ATAD2B: variants seen among roughly 807,000 people sequenced by gnomAD.
The protein encoded by ATAD2B is ATPase family AAA domain containing 2B, also known as ATPase family AAA domain-containing protein 2B.
In ATAD2B, 40 loss-of-function variants were observed where a neutral mutation model predicts 167.6. The observed-to-expected ratio is 0.24, with a 90% CI of 0.19 to 0.31. ATAD2B has a LOEUF of 0.31. Among genes scored for constraint, ATAD2B ranks in the 10% least tolerant of loss-of-function variants. ATAD2B has a pLI of 1.00. For missense variants in ATAD2B, 1,242 were observed against 1,757.2 expected (o/e 0.71, Z 5.24); for synonymous variants, 579 against 596.5 (o/e 0.97, Z 0.43).
At chr2:23,849,505 G>A (rs2675355) in intron 13 of ATAD2B, among the ~76,000 whole-genome samples, 9,883 of 152,168 alleles carry the variant, frequency 0.065, 411 homozygotes, top group African/African-American at 0.12. Context: ...ATTTGTCTCT[G>A]CAATCAATAG....
Position 23,758,212 on chromosome 2 carries a change from C to T in ATAD2B, c.3395-111G>A, listed in dbSNP as rs566747880. ...AAAGTAAACCCATGCTGATGTAACA[C>T]ACAAAAACTACTTAGCTCTTGACAT... On this transcript the variant is annotated intron_variant, in intron 24 of 27. Transcript: ENST00000238789. 3.7e-5 allele frequency: 30 copies of T among 820,252 alleles called. No individual in the cohort carries two copies. In the African/African-American group the frequency reaches 5.1e-4, roughly 14 times the overall value. 50.8% of individuals were successfully genotyped at this position (820,252 alleles called of 1,614,324 possible).
chr2:23,776,707 A>C (rs914036680), intron 22 of ATAD2B, among the ~76,000 whole-genome samples: 1 of 152,218 alleles, frequency 6.6e-6, no homozygotes, highest in Non-Finnish European at 1.5e-5. Context: ...ATTTCTAATA[A>C]GACCTTATGA....
At position 23,823,360 on chromosome 2, in the gene ATAD2B, G is replaced by A. The variant is rs755167107; in HGVS notation, c.2029C>T (p.Pro677Ser). 1.1e-5 allele frequency: 18 copies of A among 1,613,780 alleles called. No homozygotes were observed. In the South Asian group the frequency reaches 1.6e-4, roughly 15 times the overall value. ...AVMSSGHALS[P>S]IIRPLLERSF... ...CTTTCCAGCAGTGGTCTTATGATGG[G>A]GGATAGTGCATGCCCTGAAGACATC... Residue 677 changes from proline to serine, a missense_variant, in exon 16 of 28, where the codon CCC (proline) becomes TCC (serine). Transcript: ENST00000238789.
chr2:23,833,241 T>C (rs1021551339), intron 14 of ATAD2B, among the ~76,000 whole-genome samples: 1 of 152,216 alleles, frequency 6.6e-6, no homozygotes, highest in African/African-American at 2.4e-5. Flanking sequence ...GCATTTCACA[T>C]AGAGGTCCAA....
intron 24 of ATAD2B, among the ~76,000 whole-genome samples, chr2:23,760,424 G>T (rs1462449743): frequency 6.6e-6 from 1 of 152,040 alleles, no homozygotes; most frequent in Admixed American, 6.5e-5. Flanking sequence ...ACTTTGGGAG[G>T]CCGAGGCTGA....
chr2:23,717,859 A>T, the ATAD2B span, among the ~76,000 whole-genome samples: 1 of 152,242 alleles, frequency 6.6e-6, no homozygotes, highest in Non-Finnish European at 1.5e-5. Flanking sequence ...GAAAACTCAC[A>T]AATGAAGTAA....
chr2:23,886,901 A>G (rs1471427123), intron 4 of ATAD2B, among the ~76,000 whole-genome samples: 1 of 149,492 alleles, frequency 6.7e-6, no homozygotes, highest in African/African-American at 2.5e-5. Flanking sequence ...ACTGCACTCC[A>G]GCCTGGGTGA....
intron 17 of ATAD2B, among the ~76,000 whole-genome samples, chr2:23,815,669 T>C (rs1208335989): frequency 6.6e-6 from 1 of 152,196 alleles, no homozygotes; most frequent in Non-Finnish European, 1.5e-5. Context: ...CAAAAATTAA[T>C]TGTAATGCCC....
At chr2:23,693,195 G>A in the ATAD2B span, 1 of 1,479,312 alleles carries the variant, frequency 6.8e-7, no homozygotes, top group Non-Finnish European at 9.0e-7. Context: ...AAGGATCTAG[G>A]GTGACAGCAA....
chr2:23,885,864 T>C (rs1020816588), intron 4 of ATAD2B, 35 bp from the exon 5 acceptor site: 6 of 1,280,176 alleles, frequency 4.7e-6, no homozygotes, highest in Admixed American at 4.2e-5. Context: ...ATTTAGACAA[T>C]GGTGGCACCA....
intron 12 of ATAD2B, among the ~76,000 whole-genome samples, chr2:23,860,752 C>T (rs1398215579): frequency 5.3e-5 from 8 of 152,034 alleles, no homozygotes. Context: ...AGGTGGATCA[C>T]CTGAGGTCAG....
intron 15 of ATAD2B, among the ~76,000 whole-genome samples, chr2:23,827,145 T>C (rs1474898759): frequency 3.9e-5 from 6 of 152,052 alleles, no homozygotes; most frequent in African/African-American, 1.4e-4. Context: ...AAAACAGAAG[T>C]CATTTAATTA....
chr2:23,900,196 A>G (rs1424349870), intron 1 of ATAD2B, among the ~76,000 whole-genome samples: 1 of 151,876 alleles, frequency 6.6e-6, no homozygotes, highest in African/African-American at 2.4e-5. Context: ...GATTAGAAGC[A>G]TGAGCCACCA....
intron 20 of ATAD2B, among the ~76,000 whole-genome samples, chr2:23,787,049 A>T (rs1413156026): frequency 2.0e-5 from 3 of 151,188 alleles, no homozygotes; most frequent in Admixed American, 6.6e-5. Flanking sequence ...AGGGAGGGAA[A>T]AAAAAAAAAA....
chr2:23,896,979 A>C (rs779837384), intron 1 of ATAD2B, among the ~76,000 whole-genome samples: 1 of 152,160 alleles, frequency 6.6e-6, no homozygotes, highest in Non-Finnish European at 1.5e-5. Flanking sequence ...ATATTTTTTT[A>C]AAAAGCCAGG....
chr2:23,835,440 C>A (rs901607921), intron 13 of ATAD2B, among the ~76,000 whole-genome samples: 1 of 152,092 alleles, frequency 6.6e-6, no homozygotes, highest in Non-Finnish European at 1.5e-5. Context: ...TCCATTTATA[C>A]AAGATATCCC....
intron 1 of ATAD2B, among the ~76,000 whole-genome samples, chr2:23,908,034 C>A (rs1260451713): frequency 1.3e-5 from 2 of 152,070 alleles, no homozygotes; most frequent in Non-Finnish European, 2.9e-5. Context: ...ACCATAAAAA[C>A]CCTAGAAGAA....
intron 7 of ATAD2B, among the ~76,000 whole-genome samples, chr2:23,876,132 T>C (rs947257355): frequency 6.6e-6 from 1 of 151,850 alleles, no homozygotes; most frequent in Non-Finnish European, 1.5e-5. Context: ...TAGCTGGGAC[T>C]ACATGCGGGT....
chr2:23,811,826 C>A (rs1371314085), intron 17 of ATAD2B, among the ~76,000 whole-genome samples: 1 of 151,806 alleles, frequency 6.6e-6, no homozygotes, highest in Admixed American at 6.6e-5. Context: ...CAGGAACAAA[C>A]TAAAACAATC....
Sources: gnomAD v4.1 joint callset for allele counts (sites outside exome capture counted in the v4.1 genomes callset) on GRCh38, gnomAD v4.1.1 for gene constraint, MANE v1.5 for transcripts, NCBI Gene and HGNC (gene_info 2026-07-23, HGNC 2026-07-21) for gene names.